Variants in PDLIM2 observed in about 807,000 individuals in gnomAD.
PDLIM2 encodes the protein PDZ and LIM domain 2.
A neutral mutation model predicts 54.1 loss-of-function variants in PDLIM2; 51 were observed. The ratio of observed to expected loss-of-function variants is 0.94; its 90% CI spans 0.75 to 1.19. The LOEUF (loss-of-function observed/expected upper bound fraction) is 1.19, where lower values mean the gene tolerates loss of function less well. PDLIM2 is among the 50% of genes most tolerant of loss of function. The probability of loss-of-function intolerance (pLI) is 0.00; values close to 1 mark genes in which losing one functional copy is unlikely to be tolerated. For synonymous variants in PDLIM2, 398 were observed against 385.6 expected, an observed-to-expected ratio of 1.03 and a Z score of -0.38; for missense variants, 912 against 874.0, an observed-to-expected ratio of 1.04 and a Z score of -0.55.
rs111977261 is a variant in PDLIM2, at chr8:22,586,203, A to G, written c.1290+804A>G. 7.4e-3 allele frequency among the ~76,000 whole-genome samples: 1,134 copies of G among 152,310 alleles called. 13 individuals are homozygous for G. Among genetic ancestry groups the G allele is most frequent in the African/African-American group, 0.026 (1,075 of 41,576 alleles). ...GTGGCCAGGGAGGGCACTAGAACCC[A>G]GAGGCTCTGGAGGAGGAAGGAGCAG... On this transcript the variant is annotated intron_variant, in intron 6 of 9. Coordinates refer to ENST00000308354, the Ensembl canonical transcript of PDLIM2.
In PDLIM2 at chr8:22,582,019, G is replaced by A. The variant is rs1176773255; in HGVS notation, c.995+489G>A. On this transcript the variant is annotated intron_variant, in intron 3 of 9. Transcript: ENST00000308354. Reference sequence around the variant, plus strand: ...CTGTCTGTTCCTCCCCATCACTGAAGGCAGATGCCCGATCCTGGGTTACTC... The same window carrying A: ...CTGTCTGTTCCTCCCCATCACTGAAAGCAGATGCCCGATCCTGGGTTACTC... 2.0e-5 allele frequency among the ~76,000 whole-genome samples: 3 copies of A among 152,230 alleles called. No individual in the cohort carries two copies. The East Asian group carries it at 5.8e-4, about 29-fold the overall frequency.
At chr8:22,581,184 T>A (rs1800190369) in intron 2 of PDLIM2, 195 bp from the exon 2 acceptor site, 1 of 674,062 alleles carries the variant, frequency 1.5e-6, no homozygotes, top group South Asian at 1.8e-5. Context: ...AATGCCAGTG[T>A]GGGGTGGGGG....
intron 6 of PDLIM2, chr8:22,588,975 C>G (rs1324014058): frequency 2.0e-6 from 1 of 490,938 alleles, no homozygotes; most frequent in Admixed American, 3.6e-5. Context: ...TAATAGCGTG[C>G]GTGACAGAGG....
intron 6 of PDLIM2, chr8:22,589,032 C>T (rs541298574): frequency 1.8e-5 from 10 of 569,504 alleles, no homozygotes; most frequent in East Asian, 6.2e-5. Context: ...GCCCGGTCCC[C>T]GGCAGAACCC....
downstream of PDLIM2, chr8:22,594,925 T>TG: frequency 3.0e-6 from 1 of 335,572 alleles, no homozygotes; most frequent in Non-Finnish European, 5.4e-6. Context: ...ACCTGTCTGT[T>TG]GAAAAAAACA....
chr8:22,593,824 C>T (rs1240482708), exon 10 of PDLIM2: 1 of 1,597,568 alleles, frequency 6.3e-7, no homozygotes, highest in Non-Finnish European at 8.5e-7. Flanking sequence ...GATGCGCGGG[C>T]ACTTCTGGGT....
chr8:22,583,380 T>C (rs1025865882), intron 3 of PDLIM2, among the ~76,000 whole-genome samples: 2 of 152,120 alleles, frequency 1.3e-5, no homozygotes, highest in African/African-American at 4.8e-5. Context: ...GCTGGCCCAG[T>C]CACCGTGGGC....
chr8:22,593,666 C>G, intron 9 of PDLIM2, 67 bp from the exon 9 acceptor site: 1 of 1,446,396 alleles, frequency 6.9e-7, no homozygotes, highest in Non-Finnish European at 9.3e-7. Context: ...GGGACCAGGC[C>G]CCCTGGGCAT....
At chr8:22,589,561 G>C in intron 7 of PDLIM2, 35 bp from the exon 7 acceptor site, 1 of 1,582,402 alleles carries the variant, frequency 6.3e-7, no homozygotes, top group Non-Finnish European at 8.6e-7. Context: ...GCTCCGGCAC[G>C]GGACCCTCAT....
At chr8:22,579,372 C>G (rs963440466) in exon 1 of PDLIM2, 14 of 1,490,670 alleles carry the variant, frequency 9.4e-6, no homozygotes, top group Non-Finnish European at 1.1e-5. Flanking sequence ...CCGCGAGCTG[C>G]GCTCTCCCCG....
At chr8:22,584,946 G>A in intron 4 of PDLIM2, 56 bp downstream of exon 3, 1 of 1,613,888 alleles carries the variant, frequency 6.2e-7, no homozygotes. Flanking sequence ...GTGCATGAAA[G>A]TGAGGCCCGA....
exon 10 of PDLIM2, chr8:22,594,298 A>G: frequency 7.1e-7 from 1 of 1,408,314 alleles, no homozygotes; most frequent in Non-Finnish European, 9.2e-7. Flanking sequence ...GACAAAATAA[A>G]GTAGATGTCC....
chr8:22,591,916 C>T (rs1563875979), intron 9 of PDLIM2: 1 of 412,604 alleles, frequency 2.4e-6, no homozygotes, highest in African/African-American at 2.1e-5. Context: ...CTTTTGATTT[C>T]TCTTTGATCA....
At chr8:22,589,233 C>T (rs1012360493) in intron 6 of PDLIM2, 65 bp from the exon 6 acceptor site, 4 of 1,502,260 alleles carry the variant, frequency 2.7e-6, no homozygotes, top group Non-Finnish European at 3.6e-6. Context: ...CCGGGCTAGG[C>T]CCTCCTGGGT....
intron 9 of PDLIM2, chr8:22,592,808 C>T (rs1325616411): frequency 6.6e-6 from 1 of 152,194 alleles, no homozygotes; most frequent in Admixed American, 6.5e-5. Context: ...AGAATCACTG[C>T]TCTGTTAAAA....
exon 10 of PDLIM2, chr8:22,594,205 G>C (rs1463248612): frequency 7.1e-7 from 1 of 1,401,036 alleles, no homozygotes; most frequent in African/African-American, 1.4e-5. Context: ...ACACAGAAGT[G>C]GGAAGGAGAG....
downstream of PDLIM2, chr8:22,594,315 T>G: frequency 4.2e-6 from 6 of 1,423,894 alleles, no homozygotes; most frequent in South Asian, 8.9e-5. Context: ...GTCCCTTCCT[T>G]CTTTTTCCTA....
At chr8:22,593,635 C>A in intron 9 of PDLIM2, 98 bp from the exon 9 acceptor site, 1 of 1,089,150 alleles carries the variant, frequency 9.2e-7, no homozygotes, top group Non-Finnish European at 1.3e-6. Context: ...TGGGCTCCAC[C>A]CAGGTCCTGA....
chr8:22,580,779 T>C, intron 2 of PDLIM2, 82 bp downstream of exon 1: 1 of 1,421,334 alleles, frequency 7.0e-7, no homozygotes, highest in Non-Finnish European at 9.8e-7. Flanking sequence ...CACAGATGGC[T>C]TGCTTTTTCT....
Sources: gnomAD v4.1 joint callset for allele counts (sites outside exome capture counted in the v4.1 genomes callset) on GRCh38, gnomAD v4.1.1 for gene constraint, MANE v1.5 for transcripts, NCBI Gene and HGNC (gene_info 2026-07-23, HGNC 2026-07-21) for gene names.